Variants in SLC9A2 observed in about 807,000 individuals in gnomAD.
SLC9A2 encodes the protein solute carrier family 9 member A2.
A neutral mutation model predicts 71.7 loss-of-function variants in SLC9A2; 42 were observed. The observed-to-expected ratio is 0.59, with a 90% CI of 0.46 to 0.76. The LOEUF (loss-of-function observed/expected upper bound fraction) is 0.76, where lower values mean the gene tolerates loss of function less well. Ranked by LOEUF, SLC9A2 falls within the 30% of genes least tolerant of loss-of-function variation. The pLI is 0.00. For synonymous variants in SLC9A2, 396 were observed against 392.5 expected (o/e 1.01, Z -0.10); for missense variants, 829 against 1,017.4 (o/e 0.81, Z 2.52).
At chr2:102,662,764 T>TA (rs140515050) in intron 2 of SLC9A2, among the ~76,000 whole-genome samples, 28,678 of 147,136 alleles carry the variant, frequency 0.19, 3,038 homozygotes, top group East Asian at 0.34. Flanking sequence ...GAAAGCAGTT[T>TA]AAAAAAAAAA....
At position 102,708,387 on chromosome 2, in the gene SLC9A2, C is replaced by T; in HGVS notation, c.2337C>T (p.Asp779=). The T allele has an allele frequency of 6.2e-7, 1 of 1,614,214 alleles. No individual in the cohort carries two copies. The highest frequency in any genetic ancestry group is 1.3e-5 in the African/African-American group (1 of 75,054). The part of the protein sequence containing the change: ...SKDQSGSERE[D]SLTEGIPPKP... ...ACCAGTCTGGCTCAGAGAGGGAAGA[C>T]AGTTTGACTGAAGGCATCCCGCCCA... The change falls in exon 12 of 12, where the codon GAC becomes GAT. Residue 779 remains aspartate, a synonymous_variant. Coordinates refer to ENST00000233969, the MANE Select transcript of SLC9A2 (RefSeq NM_003048.6).
At chr2:102,646,821 G>A (rs1376572419) in intron 1 of SLC9A2, among the ~76,000 whole-genome samples, 1 of 144,238 alleles carries the variant, frequency 6.9e-6, no homozygotes, top group African/African-American at 2.7e-5. Context: ...GATTCATAAA[G>A]CAAGTTCTTA....
chr2:102,681,373 A>C (rs537301408), intron 3 of SLC9A2, among the ~76,000 whole-genome samples: 1 of 152,280 alleles, frequency 6.6e-6, no homozygotes, highest in East Asian at 1.9e-4. Flanking sequence ...TGCCCGGCCC[A>C]GTACTGTCTT....
At chr2:102,677,452 A>G (rs973089308) in intron 3 of SLC9A2, among the ~76,000 whole-genome samples, 1 of 152,208 alleles carries the variant, frequency 6.6e-6, no homozygotes, top group Non-Finnish European at 1.5e-5. Flanking sequence ...TAAATTGGTG[A>G]TAATCACCAC....
chr2:102,704,225 G>A (rs1187032077), intron 9 of SLC9A2, among the ~76,000 whole-genome samples: 3 of 152,122 alleles, frequency 2.0e-5, no homozygotes, highest in Admixed American at 2.0e-4. Context: ...AGGTGGGAAA[G>A]TTGCTTGAGC....
At chr2:102,669,217 A>G (rs1677199260) in intron 3 of SLC9A2, among the ~76,000 whole-genome samples, 1 of 152,172 alleles carries the variant, frequency 6.6e-6, no homozygotes, top group South Asian at 2.1e-4. Context: ...ATATTTGGAG[A>G]GATGTCTTCT....
chr2:102,656,120 T>C (rs766935656), intron 1 of SLC9A2, among the ~76,000 whole-genome samples: 34 of 152,378 alleles, frequency 2.2e-4, no homozygotes, highest in Non-Finnish European at 4.3e-4. Context: ...GCCTGAAGGA[T>C]GATTGCTGTT....
chr2:102,623,569 C>A (rs1676185822), intron 1 of SLC9A2, among the ~76,000 whole-genome samples: 1 of 152,098 alleles, frequency 6.6e-6, no homozygotes, highest in Non-Finnish European at 1.5e-5. Context: ...CTAGTCATTT[C>A]TCTTTCAACT....
At position 102,676,503 on chromosome 2, in the gene SLC9A2, T is replaced by G. The variant is rs189402565; in HGVS notation, c.1005-6758T>G. 2.7e-3 allele frequency among the ~76,000 whole-genome samples: 417 copies of G among 152,362 alleles called. 1 individual carries two copies. The highest frequency in any genetic ancestry group is 9.5e-3 in the African/African-American group (397 of 41,584). On this transcript the variant is annotated intron_variant, in intron 3 of 11. Transcript: ENST00000233969. ...GCAGAGAATTTATGCAATGGACAAG[T>G]CTTCATGATTAATCCAGGATTTTTG...
At chr2:102,688,669 A>G (rs1328270796) in intron 5 of SLC9A2, among the ~76,000 whole-genome samples, 1 of 152,182 alleles carries the variant, frequency 6.6e-6, no homozygotes, top group Non-Finnish European at 1.5e-5. Flanking sequence ...CAGAGGTTGC[A>G]GTGAGCCGAG....
chr2:102,702,604 A>G, intron 9 of SLC9A2, 102 bp downstream of exon 9: 1 of 689,244 alleles, frequency 1.5e-6, no homozygotes, highest in Non-Finnish European at 2.6e-6. Flanking sequence ...CACTGGGCTC[A>G]GCAGGTCCCA....
rs543189047 is a variant in SLC9A2 at position 102,683,354 on chromosome 2, G to A, written c.1098G>A (p.Leu366=). The A allele has an allele frequency of 1.2e-5, 19 of 1,613,990 alleles. No individual in the cohort carries two copies. Among genetic ancestry groups the A allele is most frequent in the East Asian group, 6.7e-5 (3 of 44,892 alleles). The change falls in exon 4 of 12, where the codon CTG becomes CTA. Residue 366 remains leucine, a synonymous_variant. Coordinates refer to ENST00000233969, the MANE Select transcript of SLC9A2 (RefSeq NM_003048.6). ...CCATCAAGTACTTCATGAAGATGCT[G>A]AGCAGTGTCAGCGAAACCTTGATCT... ...YTTIKYFMKM[L]SSVSETLIFI...
At chr2:102,706,348 G>GAAAAAAAA (rs397985354) in intron 11 of SLC9A2, among the ~76,000 whole-genome samples, 4 of 17,700 alleles carry the variant, frequency 2.3e-4, no homozygotes, top group Non-Finnish European at 3.8e-4. Context: ...AAAAAAAAAA[G>GAAAAAAAA]AAAAAAAAAA....
intron 1 of SLC9A2, among the ~76,000 whole-genome samples, chr2:102,654,267 A>C (rs1157362077): frequency 7.3e-6 from 1 of 137,008 alleles, no homozygotes; most frequent in Non-Finnish European, 1.5e-5. Flanking sequence ...TAGCAGGTGC[A>C]CATAGAAGCA....
chr2:102,705,801 G>T, intron 10 of SLC9A2, 45 bp from the exon 11 acceptor site: 1 of 1,141,366 alleles, frequency 8.8e-7, no homozygotes, highest in Non-Finnish European at 1.3e-6. Flanking sequence ...TATACAATAA[G>T]TGCCATTTGT....
At chr2:102,685,659 G>T (rs1265054056) in intron 5 of SLC9A2, among the ~76,000 whole-genome samples, 2 of 150,864 alleles carry the variant, frequency 1.3e-5, no homozygotes, top group Admixed American at 6.6e-5. Flanking sequence ...TGACTCCAGG[G>T]GTTTTGGCCT....
intron 1 of SLC9A2, among the ~76,000 whole-genome samples, 178 bp downstream of exon 1, chr2:102,620,315 G>A (rs1410994051): frequency 1.3e-5 from 2 of 152,196 alleles, no homozygotes; most frequent in Non-Finnish European, 2.9e-5. Flanking sequence ...GCAGTTTCGC[G>A]TTTTGGTTCT....
At chr2:102,637,001 G>T (rs1015210171) in intron 1 of SLC9A2, among the ~76,000 whole-genome samples, 10 of 152,138 alleles carry the variant, frequency 6.6e-5, no homozygotes. Flanking sequence ...AAAATGGGAG[G>T]GTTGGAAGAA....
chr2:102,627,574 T>C (rs1213335253), intron 1 of SLC9A2, among the ~76,000 whole-genome samples: 4 of 152,194 alleles, frequency 2.6e-5, no homozygotes, highest in Admixed American at 6.5e-5. Flanking sequence ...CCACTTTATA[T>C]GCATTTATGT....
Sources: gnomAD v4.1 joint callset for allele counts (sites outside exome capture counted in the v4.1 genomes callset) on GRCh38, gnomAD v4.1.1 for gene constraint, MANE v1.5 for transcripts, NCBI Gene and HGNC (gene_info 2026-07-23, HGNC 2026-07-21) for gene names.